The following TBC1D8 variants were observed in gnomAD, a reference collection of about 807,000 sequenced individuals.
TBC1D8 encodes TBC1 domain family member 8, also known as BUB2-like protein 1.
Under a neutral mutation model 118.8 loss-of-function variants are expected in TBC1D8, and 65 were observed. The observed-to-expected ratio is 0.55, with a 90% CI of 0.45 to 0.67. TBC1D8 has a LOEUF of 0.67. Ranked by LOEUF, TBC1D8 falls within the 30% of genes least tolerant of loss-of-function variation. The pLI is 0.00. For missense variants in TBC1D8, 1,376 were observed against 1,471.2 expected (o/e 0.94, Z 1.06); for synonymous variants, 566 against 595.8 (o/e 0.95, Z 0.73).
At chr2:101,020,032 C>CACTGCATTCCAGCCTGGGCCACAGAG (rs1679932002) in intron 17 of TBC1D8, among the ~76,000 whole-genome samples, 2 of 147,166 alleles carry the variant, frequency 1.4e-5, no homozygotes, top group Non-Finnish European at 3.0e-5. Context: ...GAGATTGCGC[C>CACTGCATTCCAGCCTGGGCCACAGAG]ACTGCATTCC....
chr2:101,022,605 A>T, intron 15 of TBC1D8, 84 bp from the exon 16 acceptor site: 1 of 1,485,182 alleles, frequency 6.7e-7, no homozygotes, highest in East Asian at 2.5e-5. Context: ...ATAATAAATT[A>T]CTCACAATCT....
At chr2:101,102,968 C>T (rs1417276640) in intron 1 of TBC1D8, among the ~76,000 whole-genome samples, 3 of 151,958 alleles carry the variant, frequency 2.0e-5, no homozygotes, top group Non-Finnish European at 4.4e-5. Flanking sequence ...CAATCTATTC[C>T]AGAAAACAGA....
intron 19 of TBC1D8, among the ~76,000 whole-genome samples, chr2:101,010,351 A>ACTT (rs1427033898): frequency 1.3e-5 from 2 of 152,162 alleles, no homozygotes; most frequent in East Asian, 1.9e-4. Context: ...GGCCCCAAAT[A>ACTT]CTTCTACCTC....
At chr2:101,077,372 C>A (rs1310157069) in intron 2 of TBC1D8, among the ~76,000 whole-genome samples, 2 of 151,330 alleles carry the variant, frequency 1.3e-5, no homozygotes, top group African/African-American at 2.4e-5. Flanking sequence ...CTCAGCCTCC[C>A]GGGTAGCTGG....
At chr2:101,042,281 T>C (rs1330719911) in intron 5 of TBC1D8, among the ~76,000 whole-genome samples, 1 of 151,962 alleles carries the variant, frequency 6.6e-6, no homozygotes, top group Non-Finnish European at 1.5e-5. Flanking sequence ...TGTTTGAAAA[T>C]ACTGATCAAG....
At chr2:101,038,173 T>G (rs896227500) in intron 7 of TBC1D8, among the ~76,000 whole-genome samples, 1 of 151,980 alleles carries the variant, frequency 6.6e-6, no homozygotes, top group African/African-American at 2.4e-5. Context: ...CCGACAAAGC[T>G]CCTCTTTTAG....
rs1262387741 is a variant in TBC1D8, at chr2:101,117,454, T to C, written c.128-27090A>G. On this transcript the variant is annotated intron_variant, in intron 1 of 19. Transcript: ENST00000409318. ...TCTATTTACTAGTCATTAACGTTGC[T>C]ATTTACTTTACCTATTCCCCTGACC... Among the ~76,000 whole-genome samples, 5 of 152,136 alleles carry C rather than the reference T, an allele frequency of 3.3e-5. No individual in the cohort carries two copies. The East Asian group carries it at 7.7e-4, about 23-fold the overall frequency.
chr2:101,040,324 C>T lies in TBC1D8; in HGVS notation c.934G>A (p.Glu312Lys). Residue 312 changes from glutamate (E) to lysine (K), a missense_variant, in exon 6 of 20, where the codon GAG becomes AAG. Physicochemically the swap from Glu to Lys is moderately conservative, Grantham distance 56 (BLOSUM62 1). Coordinates refer to ENST00000409318, the MANE Select transcript of TBC1D8 (RefSeq NM_001330348.2). ...FRAFFRLPRK[E>K]KLHAVVDCSL... ...CAGTCCACAACCGCGTGCAGCTTCT[C>T]CTTCCTCGGCAACCTGAAGAAAGCC... 6.2e-7 allele frequency: 1 copy of T among 1,613,790 alleles called. No homozygotes were observed. Among genetic ancestry groups the T allele is most frequent in the Non-Finnish European group, 8.5e-7 (1 of 1,179,800 alleles).
intron 1 of TBC1D8, among the ~76,000 whole-genome samples, chr2:101,145,891 G>A (rs1189024133): frequency 6.6e-6 from 1 of 152,116 alleles, no homozygotes; most frequent in Admixed American, 6.5e-5. Flanking sequence ...ATTAAATACT[G>A]CACTAATAGA....
chr2:101,028,455 GC>G (rs1680480666), intron 12 of TBC1D8, 23 bp from the exon 13 acceptor site: 2 of 1,533,126 alleles, frequency 1.3e-6, no homozygotes, highest in East Asian at 4.5e-5. Flanking sequence ...CCCCGTCAAC[GC>G]CCAAGTCCAT....
chr2:101,022,282 G>C lies in TBC1D8; in HGVS notation c.2760C>G (p.Leu920=), dbSNP rs200314537. The C allele has an allele frequency of 1.2e-6, 2 of 1,613,468 alleles. No homozygotes were observed. Among genetic ancestry groups the C allele is most frequent in the Middle Eastern group, 1.7e-4 (1 of 6,060 alleles). Residue 920 remains leucine, a splice_region_variant and synonymous_variant, in exon 16 of 20, where the codon CTC becomes CTG. Coordinates refer to ENST00000409318, the MANE Select transcript of TBC1D8 (RefSeq NM_001330348.2). ...CTGCGAAATCCCACAGAGGCATACC[G>C]AGGCAGCTCACAAACGCTTTGAACT... The part of the protein sequence containing the change: ...LIEFKAFVSC[L]DIMYNGEMNE...
At chr2:101,076,368 C>T (rs976004883) in intron 2 of TBC1D8, among the ~76,000 whole-genome samples, 1 of 152,214 alleles carries the variant, frequency 6.6e-6, no homozygotes, top group African/African-American at 2.4e-5. Flanking sequence ...GTCACCTGAA[C>T]TCATGAACTA....
intron 11 of TBC1D8, 186 bp from the exon 12 acceptor site, chr2:101,029,962 T>A: frequency 1.8e-6 from 1 of 563,644 alleles, no homozygotes; most frequent in Non-Finnish European, 3.0e-6. Flanking sequence ...AAGATAGCCT[T>A]TTTAAAAAAA....
intron 2 of TBC1D8, among the ~76,000 whole-genome samples, chr2:101,063,476 G>A (rs1047618977): frequency 3.3e-5 from 5 of 152,106 alleles, no homozygotes; most frequent in Non-Finnish European, 5.9e-5. Context: ...GCTTCTCCCA[G>A]CAAAGACAAT....
intron 1 of TBC1D8, among the ~76,000 whole-genome samples, chr2:101,109,411 T>G (rs1210615796): frequency 1.3e-5 from 2 of 152,134 alleles, no homozygotes; most frequent in Non-Finnish European, 2.9e-5. Flanking sequence ...ATCAGAAAAT[T>G]GGATAACATG....
At chr2:101,109,422 T>C (rs904000370) in intron 1 of TBC1D8, among the ~76,000 whole-genome samples, 1 of 152,166 alleles carries the variant, frequency 6.6e-6, no homozygotes, top group African/African-American at 2.4e-5. Flanking sequence ...GGATAACATG[T>C]CTGCAAATTT....
chr2:101,144,553 G>A (rs1207450318), intron 1 of TBC1D8, among the ~76,000 whole-genome samples: 1 of 152,128 alleles, frequency 6.6e-6, no homozygotes, highest in Admixed American at 6.5e-5. Context: ...ATAGGCTCAC[G>A]GCTGCTTTTT....
chr2:101,010,150 A>C (rs554841216), intron 19 of TBC1D8, among the ~76,000 whole-genome samples: 5 of 152,136 alleles, frequency 3.3e-5, no homozygotes, highest in Non-Finnish European at 7.3e-5. Context: ...TACATTTCCT[A>C]AACATTGGGA....
chr2:101,138,653 C>G (rs1678964031), intron 1 of TBC1D8, among the ~76,000 whole-genome samples: 1 of 152,172 alleles, frequency 6.6e-6, no homozygotes, highest in Non-Finnish European at 1.5e-5. Context: ...ATCAAGGATA[C>G]AGAAGACAGC....
Sources: gnomAD v4.1 joint callset for allele counts (sites outside exome capture counted in the v4.1 genomes callset) on GRCh38, gnomAD v4.1.1 for gene constraint, MANE v1.5 for transcripts, NCBI Gene and HGNC (gene_info 2026-07-23, HGNC 2026-07-21) for gene names.